PLXNA4: variants seen among roughly 807,000 people sequenced by gnomAD.
PLXNA4 encodes the protein plexin-A4.
In PLXNA4, 44 loss-of-function variants were observed where a neutral mutation model predicts 191.8. The ratio of observed to expected loss-of-function variants is 0.23; its 90% CI spans 0.18 to 0.29. The LOEUF is 0.29. Ranked by LOEUF, PLXNA4 falls within the 10% of genes least tolerant of loss-of-function variation. The probability of loss-of-function intolerance (pLI) is 1.00; values close to 1 mark genes in which losing one functional copy is unlikely to be tolerated. For synonymous variants in PLXNA4, 1,082 were observed against 1,009.5 expected (o/e 1.07, Z -1.36); for missense variants, 1,800 against 2,488.8 (o/e 0.72, Z 5.89).
chr7:132,137,336 C>A (rs750970607), intron 30 of PLXNA4, among the ~76,000 whole-genome samples: 1 of 152,234 alleles, frequency 6.6e-6, no homozygotes, highest in Non-Finnish European at 1.5e-5. Context: ...TAAAAGCTGA[C>A]TGATGGCAAG....
intron 3 of PLXNA4, among the ~76,000 whole-genome samples, chr7:132,301,325 G>A (rs1247293022): frequency 6.6e-6 from 1 of 152,174 alleles, no homozygotes; most frequent in Non-Finnish European, 1.5e-5. Context: ...GCCGGCTCTT[G>A]GACCCTTAAC....
At chr7:132,163,348 C>G (rs2116643961) in intron 24 of PLXNA4, among the ~76,000 whole-genome samples, 1 of 152,318 alleles carries the variant, frequency 6.6e-6, no homozygotes, top group South Asian at 2.1e-4. Flanking sequence ...TTCATCTTGT[C>G]CCATCTGATC....
intron 1 of PLXNA4, among the ~76,000 whole-genome samples, chr7:132,534,250 A>G (rs959867798): frequency 2.6e-5 from 4 of 152,180 alleles, no homozygotes; most frequent in Admixed American, 1.3e-4. Flanking sequence ...GAGAAATCCA[A>G]TCAGCAATTC....
chr7:132,348,615 C>A (rs1248242459), intron 3 of PLXNA4, among the ~76,000 whole-genome samples: 1 of 152,154 alleles, frequency 6.6e-6, no homozygotes, highest in Non-Finnish European at 1.5e-5. Context: ...CACATCCCTC[C>A]TAGCATCTCC....
At chr7:132,398,760 C>T (rs1057379565) in intron 3 of PLXNA4, among the ~76,000 whole-genome samples, 7 of 152,206 alleles carry the variant, frequency 4.6e-5, no homozygotes, top group East Asian at 1.9e-4. Context: ...GGACAGATGC[C>T]GACCTAATGA....
rs558230905 is a variant in PLXNA4, at chr7:132,225,742, C to G, written c.1982+419G>C. Among the ~76,000 whole-genome samples, 7 of 152,328 alleles carry G rather than the reference C, an allele frequency of 4.6e-5. No homozygotes were observed. In the East Asian group the frequency reaches 1.4e-3, roughly 29 times the overall value. The stretch of plus-strand genomic sequence containing the variant: ...ACCACTTGCCCCAATCCTGGACACA[C>G]ACTGGGGCTTCTCTCCCTCCTCAGT... On this transcript the variant is annotated intron_variant, in intron 8 of 31. Transcript: ENST00000321063.
At chr7:132,550,781 T>C (rs1346004815) in intron 1 of PLXNA4, among the ~76,000 whole-genome samples, 1 of 116,122 alleles carries the variant, frequency 8.6e-6, no homozygotes, top group East Asian at 2.7e-4. Context: ...AATGACCACA[T>C]CTGCACCTAT....
chr7:132,237,629 G>A (rs914294948), intron 5 of PLXNA4, among the ~76,000 whole-genome samples: 2 of 152,112 alleles, frequency 1.3e-5, no homozygotes, highest in African/African-American at 4.8e-5. Context: ...CTCAGGTCAC[G>A]GACATAACCA....
chr7:132,184,076 A>C (rs1049065821), intron 16 of PLXNA4, among the ~76,000 whole-genome samples: 7 of 152,208 alleles, frequency 4.6e-5, no homozygotes, highest in Admixed American at 6.5e-5. Flanking sequence ...GATTAAAAAA[A>C]GATTGTTCCC....
chr7:132,508,742 C>T lies in PLXNA4; in HGVS notation c.-49G>A. 1 of 1,460,074 alleles carries T rather than the reference C, an allele frequency of 6.8e-7. No individual in the cohort carries two copies. The highest frequency in any genetic ancestry group is 9.0e-7 in the Non-Finnish European group (1 of 1,110,548). 90.4% of individuals were successfully genotyped at this position (1,460,074 alleles called of 1,614,324 possible). A position where few individuals can be genotyped will look rare whatever the true frequency, so the allele number is the denominator to read the frequency against. Reference sequence around the variant, plus strand: ...CAGCAGCACTCAGGCACAGTCGTCCCCTCAGAGGGCCAGGACTCAGCAATG... The same window carrying T: ...CAGCAGCACTCAGGCACAGTCGTCCTCTCAGAGGGCCAGGACTCAGCAATG... On this transcript the variant is annotated 5_prime_UTR_variant, in exon 2 of 32. Transcript: ENST00000321063. The surrounding 1 kb of genome is among the most constrained non-coding windows in gnomAD (Gnocchi z 4.4).
At chr7:132,178,713 T>TACACACACACACACACACACAC (rs56218462) in intron 20 of PLXNA4, among the ~76,000 whole-genome samples, 2 of 112,100 alleles carry the variant, frequency 1.8e-5, no homozygotes, top group South Asian at 3.1e-4. Context: ...CACATACACA[T>TACACACACACACACACACACAC]ACACACACAC....
intron 3 of PLXNA4, among the ~76,000 whole-genome samples, chr7:132,415,466 A>C (rs1286560250): frequency 6.6e-6 from 1 of 152,220 alleles, no homozygotes; most frequent in East Asian, 1.9e-4. Context: ...CAGAGGTATC[A>C]GGAGAGCTGG....
In PLXNA4 at chr7:132,358,331, G is replaced by A. The variant is rs573444413; in HGVS notation, c.1372-60109C>T. Among the ~76,000 whole-genome samples, 5 of 152,348 alleles carry A rather than the reference G, an allele frequency of 3.3e-5. No homozygotes were observed. The South Asian group carries it at 1.0e-3, about 32-fold the overall frequency. On this transcript the variant is annotated intron_variant, in intron 3 of 31. Coordinates refer to ENST00000321063, the MANE Select transcript of PLXNA4 (RefSeq NM_020911.2). Reference sequence around the variant, plus strand: ...TCAAGTTCACTTGTCTACAAGGGATGCCCTTTCTACTAACAAGTGAGCCTG... The same window carrying A: ...TCAAGTTCACTTGTCTACAAGGGATACCCTTTCTACTAACAAGTGAGCCTG...
intron 3 of PLXNA4, among the ~76,000 whole-genome samples, chr7:132,402,135 G>A (rs1563078798): frequency 1.3e-5 from 2 of 152,098 alleles, no homozygotes; most frequent in African/African-American, 4.8e-5. Context: ...GACTCAGCAG[G>A]TCCCTAGAGT....
intron 3 of PLXNA4, among the ~76,000 whole-genome samples, chr7:132,445,333 C>T (rs1022010802): frequency 5.3e-5 from 8 of 151,988 alleles, no homozygotes; most frequent in Non-Finnish European, 5.9e-5. Context: ...ACACCCCACA[C>T]CATCTTGATT....
chr7:132,224,043 A>T (rs1232123941), intron 8 of PLXNA4, among the ~76,000 whole-genome samples: 1 of 152,156 alleles, frequency 6.6e-6, no homozygotes, highest in East Asian at 1.9e-4. Context: ...CTGAGAAGCC[A>T]CCTGCACCTT....
At chr7:132,484,934 G>A (rs765218517) in intron 3 of PLXNA4, 2 of 1,614,144 alleles carry the variant, frequency 1.2e-6, no homozygotes, top group Non-Finnish European at 1.7e-6. Context: ...TTCCTGAGAA[G>A]CAATGTTCGC....
At position 132,208,790 on chromosome 7, in the gene PLXNA4, G is replaced by A. The variant is rs370852333; in HGVS notation, c.2298+2153C>T. On this transcript the variant is annotated intron_variant, in intron 10 of 31. Coordinates refer to ENST00000321063, the MANE Select transcript of PLXNA4 (RefSeq NM_020911.2). Reference sequence around the variant, plus strand: ...AGCCGTTCCCTTCCTTTTCCCATGGGTGCCGACCATGGTGCCAGCTCCAGG... The same window carrying A: ...AGCCGTTCCCTTCCTTTTCCCATGGATGCCGACCATGGTGCCAGCTCCAGG... Among the ~76,000 whole-genome samples the A allele has an allele frequency of 3.9e-5, 6 of 152,248 alleles. No individual in the cohort carries two copies. In the East Asian group the frequency reaches 1.2e-3, roughly 29 times the overall value.
At chr7:132,489,541 G>T (rs990166754) in intron 2 of PLXNA4, 67 bp from the exon 3 acceptor site, 2 of 1,311,448 alleles carry the variant, frequency 1.5e-6, no homozygotes, top group Non-Finnish European at 2.1e-6. Context: ...TATTAAGTCA[G>T]GAAACTATGG....
Sources: gnomAD v4.1 joint callset for allele counts (sites outside exome capture counted in the v4.1 genomes callset) on GRCh38, gnomAD v4.1.1 for gene constraint, Gnocchi (gnomAD v3.1) non-coding constraint, MANE v1.5 for transcripts, NCBI Gene and HGNC (gene_info 2026-07-23, HGNC 2026-07-21) for gene names.